EBLN2: variants seen among roughly 807,000 people sequenced by gnomAD.
The protein encoded by EBLN2 is endogenous Bornavirus like nucleoprotein 2.
For missense variants in EBLN2, 397 were observed against 324.2 expected, an observed-to-expected ratio of 1.22 and a Z score of -1.72; for synonymous variants, 131 against 113.6, an observed-to-expected ratio of 1.15 and a Z score of -0.97.
Position 73,063,013 on chromosome 3 carries a change from A to G in EBLN2, c.*113A>G. 2 of 992,072 alleles carry G rather than the reference A, an allele frequency of 2.0e-6. No individual in the cohort carries two copies. The highest frequency in any genetic ancestry group is 3.0e-6 in the Non-Finnish European group (2 of 656,166). The allele number at this position is 992,072 out of a possible 1,614,324, so 61.5% of individuals were successfully genotyped here. On this transcript the variant is annotated 3_prime_UTR_variant, in exon 1 of 1. Coordinates refer to ENST00000533473, the MANE Select transcript of EBLN2 (RefSeq NM_018029.4). ...ATTGTGTCTGAGATCCCAGTCTTTG[A>G]GGAGAAAAAAAACAATGGTTAAAAA...
chr3:73,062,536 T>C lies in EBLN2; in HGVS notation c.455T>C (p.Val152Ala). The change falls in exon 1 of 1, where the codon GTG (valine) becomes GCG (alanine). Residue 152 changes from valine to alanine, a missense_variant. Coordinates refer to ENST00000533473, the MANE Select transcript of EBLN2 (RefSeq NM_018029.4). ...SVGVSKRSNT[V>A]VGNENEERGT... Reference sequence around the variant, plus strand: ...GGTGTGAGCAAGAGGTCTAATACTGTGGTTGGGAATGAGAACGAGGAAAGG... The same window carrying C: ...GGTGTGAGCAAGAGGTCTAATACTGCGGTTGGGAATGAGAACGAGGAAAGG... The C allele has an allele frequency of 6.2e-7, 1 of 1,613,900 alleles. No individual in the cohort carries two copies. Among genetic ancestry groups the C allele is most frequent in the Non-Finnish European group, 8.5e-7 (1 of 1,179,850 alleles).
In EBLN2 at chr3:73,062,296, A is replaced by G. The variant is rs185715728; in HGVS notation, c.215A>G (p.Asp72Gly). Residue 72 changes from aspartate (D) to glycine (G), a missense_variant, in exon 1 of 1, where the codon GAC (aspartate) becomes GGC (glycine). Transcript: ENST00000533473. ...DDAMDRSGLPDLQGRFELSGK... is the reference protein window; with the variant it reads ...DDAMDRSGLPGLQGRFELSGK... ...GCAATGGACAGGAGTGGGCTCCCTGACCTTCAAGGAAGATTTGAGCTATCT... is the reference window on the plus strand; with the variant it reads ...GCAATGGACAGGAGTGGGCTCCCTGGCCTTCAAGGAAGATTTGAGCTATCT... 6.3e-5 allele frequency: 101 copies of G among 1,607,670 alleles called. No individual in the cohort carries two copies. In the African/African-American group the frequency reaches 1.3e-3, roughly 21 times the overall value.
rs201170532 is a variant in EBLN2 at position 73,062,677 on chromosome 3, A to G, written c.596A>G (p.Asp199Gly). Residue 199 changes from aspartate to glycine, a missense_variant, in exon 1 of 1, where the codon GAT (aspartate) becomes GGT (glycine). By Grantham distance (94) the Asp-to-Gly change is moderately conservative. Coordinates refer to ENST00000533473, the MANE Select transcript of EBLN2 (RefSeq NM_018029.4). ...LLIGIAAGSS[D>G]KICTSSLQVQ... The stretch of plus-strand genomic sequence containing the variant: ...ATAGGCATTGCGGCTGGATCAAGTG[A>G]TAAGATTTGCACCAGCAGTCTCCAA... 1,728 of 1,613,868 alleles carry G rather than the reference A, an allele frequency of 1.1e-3. 2 individuals carry two copies. The highest frequency in any genetic ancestry group is 1.3e-3 in the Admixed American group (80 of 59,988).
Position 73,062,287 on chromosome 3 carries a change from G to A in EBLN2, c.206G>A (p.Gly69Glu). 1 of 1,607,880 alleles carries A rather than the reference G, an allele frequency of 6.2e-7. No individual in the cohort carries two copies. The highest frequency in any genetic ancestry group is 8.5e-7 in the Non-Finnish European group (1 of 1,178,066). ...SPGDDAMDRS[G>E]LPDLQGRFEL... is the part of the protein sequence containing the mutation. Reference sequence around the variant, plus strand: ...GGAGATGACGCAATGGACAGGAGTGGGCTCCCTGACCTTCAAGGAAGATTT... The same window carrying A: ...GGAGATGACGCAATGGACAGGAGTGAGCTCCCTGACCTTCAAGGAAGATTT... Residue 69 changes from glycine (G) to glutamate (E), a missense_variant, in exon 1 of 1, where the codon GGG becomes GAG. Physicochemically the swap from Gly to Glu is moderately conservative, Grantham distance 98. Coordinates refer to ENST00000533473, the MANE Select transcript of EBLN2 (RefSeq NM_018029.4).
chr3:73,062,037 G>T lies in EBLN2; in HGVS notation c.-45G>T, dbSNP rs1214294268. ...TTTGCTCATGAACGTGAGGTATTTT[G>T]GAAAAATGGTAAAGAAGTGCAGAGT... On this transcript the variant is annotated 5_prime_UTR_variant, in exon 1 of 1. It introduces an in-frame stop codon into an upstream open reading frame of the 5' UTR. Transcript: ENST00000533473. 1 of 1,396,538 alleles carries T rather than the reference G, an allele frequency of 7.2e-7. No individual in the cohort carries two copies. Among genetic ancestry groups the T allele is most frequent in the Non-Finnish European group, 9.6e-7 (1 of 1,042,554 alleles). 86.5% of individuals were successfully genotyped at this position (1,396,538 alleles called of 1,614,324 possible).
At position 73,062,513 on chromosome 3, in the gene EBLN2, T is replaced by A; in HGVS notation, c.432T>A (p.Gly144=). The change falls in exon 1 of 1, where the codon GGT becomes GGA. Residue 144 remains glycine (G), a synonymous_variant. Transcript: ENST00000533473. ...DGLHQALLSV[G]VSKRSNTVVG... Reference sequence around the variant, plus strand: ...TACACCAGGCATTACTGAGTGTTGGTGTGAGCAAGAGGTCTAATACTGTGG... The same window carrying A: ...TACACCAGGCATTACTGAGTGTTGGAGTGAGCAAGAGGTCTAATACTGTGG... 1 of 1,613,830 alleles carries A rather than the reference T, an allele frequency of 6.2e-7. No individual in the cohort carries two copies. The highest frequency in any genetic ancestry group is 1.1e-5 in the South Asian group (1 of 91,060).
In EBLN2 at chr3:73,062,946, T is replaced by C; in HGVS notation, c.*46T>C. ...ACAACCTATTAATGCTGTGAGAATG[T>C]TTCTAGATCAGTGCATGGATGGCTC... On this transcript the variant is annotated 3_prime_UTR_variant, in exon 1 of 1. Transcript: ENST00000533473. 1 of 1,542,656 alleles carries C rather than the reference T, an allele frequency of 6.5e-7. No homozygotes were observed. The highest frequency in any genetic ancestry group is 8.9e-7 in the Non-Finnish European group (1 of 1,122,260).
rs1159991482 is a variant in EBLN2, at chr3:73,063,029, T to TG, written c.*131dup. On this transcript the variant is annotated 3_prime_UTR_variant, in exon 1 of 1. Coordinates refer to ENST00000533473, the MANE Select transcript of EBLN2 (RefSeq NM_018029.4). ...CAGTCTTTGAGGAGAAAAAAAACAA[T>TG]GGTTAAAAAGGCATTGGGGAAATAT... is the stretch of plus-strand genomic sequence containing the variant. The TG allele has an allele frequency of 1.1e-6, 1 of 910,130 alleles. No homozygotes were observed. Among genetic ancestry groups the TG allele is most frequent in the Non-Finnish European group, 1.7e-6 (1 of 587,428 alleles). The allele number at this position is 910,130 out of a possible 1,614,324, so 56.4% of individuals were successfully genotyped here.
Position 73,062,874 on chromosome 3 carries a change from C to T in EBLN2, c.793C>T (p.Leu265=), listed in dbSNP as rs752817189. ...TLLFGDFESP[L]HKLRKSS ...TCTATTTGGAGACTTTGAATCCCCTCTACACAAGCTACGCAAGTCAAGTTA... is the reference window on the plus strand; with the variant it reads ...TCTATTTGGAGACTTTGAATCCCCTTTACACAAGCTACGCAAGTCAAGTTA... Residue 265 remains leucine, a synonymous_variant, in exon 1 of 1, where the codon CTA becomes TTA. Coordinates refer to ENST00000533473, the MANE Select transcript of EBLN2 (RefSeq NM_018029.4). The T allele has an allele frequency of 2.1e-5, 34 of 1,613,310 alleles. No individual in the cohort carries two copies. The highest frequency in any genetic ancestry group is 2.9e-5 in the Non-Finnish European group (34 of 1,179,642).
rs894381985 is a variant in EBLN2, at chr3:73,061,838, C to T, written c.-244C>T. 2.4e-5 allele frequency: 10 copies of T among 410,300 alleles called. No homozygotes were observed. The South Asian group carries it at 2.5e-4, about 10-fold the overall frequency. The allele number at this position is 410,300 out of a possible 1,614,324, so 25.4% of individuals were successfully genotyped here. ...TTGGCCTTCCAAAGTGCTGAGATTACAGATGTGAACCACCACACCCAGCCC... is the reference window on the plus strand; with the variant it reads ...TTGGCCTTCCAAAGTGCTGAGATTATAGATGTGAACCACCACACCCAGCCC... On this transcript the variant is annotated 5_prime_UTR_variant, in exon 1 of 1. Transcript: ENST00000533473.
rs1702861912 is a variant in EBLN2, at chr3:73,061,717, G to T, written c.-365G>T. The stretch of plus-strand genomic sequence containing the variant: ...GAACCATTGGTTTAAGGTTAATCTG[G>T]CTCTGCTTTCATAGACTACTCTGTT... On this transcript the variant is annotated 5_prime_UTR_variant, in exon 1 of 1. Coordinates refer to ENST00000533473, the MANE Select transcript of EBLN2 (RefSeq NM_018029.4). 4.9e-6 allele frequency: 1 copy of T among 204,768 alleles called. No homozygotes were observed. Among genetic ancestry groups the T allele is most frequent in the Admixed American group, 5.5e-5 (1 of 18,114 alleles). 12.7% of individuals were successfully genotyped at this position (204,768 alleles called of 1,614,324 possible). A position where few individuals can be genotyped will look rare whatever the true frequency, so the allele number is the denominator to read the frequency against.
At position 73,063,258 on chromosome 3, in the gene EBLN2, G is replaced by C; in HGVS notation, c.*358G>C. ...CATCTACCCCGTAAGATCTTGAGGGGGGAGTGTTGGGTGGAATCATAGATC... is the reference window on the plus strand; with the variant it reads ...CATCTACCCCGTAAGATCTTGAGGGCGGAGTGTTGGGTGGAATCATAGATC... On this transcript the variant is annotated 3_prime_UTR_variant, in exon 1 of 1. Coordinates refer to ENST00000533473, the MANE Select transcript of EBLN2 (RefSeq NM_018029.4). The C allele has an allele frequency of 6.8e-6, 2 of 295,932 alleles. No individual in the cohort carries two copies. The highest frequency in any genetic ancestry group is 5.2e-5 in the Admixed American group (1 of 19,350). 18.3% of individuals were successfully genotyped at this position (295,932 alleles called of 1,614,324 possible).
Position 73,062,051 on chromosome 3 carries a change from GA to G in EBLN2, c.-29del, listed in dbSNP as rs1427508226. 4.7e-5 allele frequency: 68 copies of G among 1,457,814 alleles called. No homozygotes were observed. Among genetic ancestry groups the G allele is most frequent in the Non-Finnish European group, 6.0e-5 (66 of 1,092,614 alleles). The allele number at this position is 1,457,814 out of a possible 1,614,324, so 90.3% of individuals were successfully genotyped here. On this transcript the variant is annotated 5_prime_UTR_variant, in exon 1 of 1. An upstream open reading frame in the 5' UTR gains an earlier in-frame stop. Transcript: ENST00000533473. The stretch of plus-strand genomic sequence containing the variant: ...TGAGGTATTTTGGAAAAATGGTAAA[GA>G]AGTGCAGAGTCAAGTCATAGCGACT...
rs1702901825 is a variant in EBLN2 at position 73,062,970 on chromosome 3, T to C, written c.*70T>C. On this transcript the variant is annotated 3_prime_UTR_variant, in exon 1 of 1. Transcript: ENST00000533473. ...GTTTCTAGATCAGTGCATGGATGGC[T>C]CCATTGCTCTACGGGCCATTGTGTC... The C allele has an allele frequency of 2.3e-6, 3 of 1,326,684 alleles. No homozygotes were observed. Among genetic ancestry groups the C allele is most frequent in the East Asian group, 2.3e-5 (1 of 43,248 alleles). 82.2% of individuals were successfully genotyped at this position (1,326,684 alleles called of 1,614,324 possible).
rs779877787 is a variant in EBLN2, at chr3:73,062,346, G to T, written c.265G>T (p.Asp89Tyr). Residue 89 changes from aspartate to tyrosine, a missense_variant, in exon 1 of 1, where the codon GAT becomes TAT. By Grantham distance (160) the Asp-to-Tyr change is radical. Coordinates refer to ENST00000533473, the MANE Select transcript of EBLN2 (RefSeq NM_018029.4). Reference sequence around the variant, plus strand: ...TGGGAAAAACAGACAGTATCCACTGGATGCATTGGAACCCCAACCCAGCAT... The same window carrying T: ...TGGGAAAAACAGACAGTATCCACTGTATGCATTGGAACCCCAACCCAGCAT... ...LSGKNRQYPLDALEPQPSIGD... is the reference protein window; with the variant it reads ...LSGKNRQYPLYALEPQPSIGD... 12 of 1,607,516 alleles carry T rather than the reference G, an allele frequency of 7.5e-6. No individual in the cohort carries two copies. Among genetic ancestry groups the T allele is most frequent in the Non-Finnish European group, 1.0e-5 (12 of 1,178,032 alleles).
Position 73,062,857 on chromosome 3 carries a change from G to C in EBLN2, c.776G>C (p.Gly259Ala). Residue 259 changes from glycine to alanine, a missense_variant, in exon 1 of 1, where the codon GGA (glycine) becomes GCA (alanine). Transcript: ENST00000533473. ...VGELMFTLLF[G>A]DFESPLHKLR... is the part of the protein sequence containing the mutation. ...GAATTAATGTTCACACTTCTATTTG[G>C]AGACTTTGAATCCCCTCTACACAAG... 1 of 1,613,754 alleles carries C rather than the reference G, an allele frequency of 6.2e-7. No individual in the cohort carries two copies. Among genetic ancestry groups the C allele is most frequent in the Non-Finnish European group, 8.5e-7 (1 of 1,179,788 alleles).
rs1042959945 is a variant in EBLN2 at position 73,062,138 on chromosome 3, G to T, written c.57G>T (p.Trp19Cys). ...AYVNSHSLFV[W>C]VCDRSYKRSF... The stretch of plus-strand genomic sequence containing the variant: ...TTAATTCTCACAGTCTTTTTGTTTG[G>T]GTCTGTGACAGATCTTACAAAAGAT... Residue 19 changes from tryptophan to cysteine, a missense_variant, in exon 1 of 1, where the codon TGG becomes TGT. Coordinates refer to ENST00000533473, the MANE Select transcript of EBLN2 (RefSeq NM_018029.4). 1.9e-6 allele frequency: 3 copies of T among 1,546,412 alleles called. No individual in the cohort carries two copies. Among genetic ancestry groups the T allele is most frequent in the Admixed American group, 2.1e-5 (1 of 47,856 alleles).
chr3:73,062,889 A>T, the EBLN2 span: 2 of 1,610,016 alleles, frequency 1.2e-6, no homozygotes, highest in South Asian at 2.2e-5. Flanking sequence ...CAAGCTACGC[A>T]AGTCAAGTTA....
rs757618676 is a variant in EBLN2, at chr3:73,062,073, C to T, written c.-9C>T. On this transcript the variant is annotated 5_prime_UTR_variant, in exon 1 of 1. Coordinates refer to ENST00000533473, the MANE Select transcript of EBLN2 (RefSeq NM_018029.4). ...AAAGAAGTGCAGAGTCAAGTCATAG[C>T]GACTAATAATGGGTTATTTTCTTAA... 2.2e-5 allele frequency: 34 copies of T among 1,519,400 alleles called. No homozygotes were observed. Among genetic ancestry groups the T allele is most frequent in the Middle Eastern group, 2.3e-4 (1 of 4,270 alleles). 94.1% of individuals were successfully genotyped at this position (1,519,400 alleles called of 1,614,324 possible).
Sources: gnomAD v4.1 joint callset for allele counts on GRCh38, gnomAD v4.1.1 for gene constraint, MANE v1.5 for transcripts, NCBI Gene and HGNC (gene_info 2026-07-23, HGNC 2026-07-21) for gene names.